Variants in MARCHF1 observed in about 807,000 individuals in gnomAD.
The protein encoded by MARCHF1 is membrane associated ring-CH-type finger 1.
MARCHF1 carries 40 observed loss-of-function variants against 54.2 expected under a neutral mutation model. That is an observed-to-expected ratio of 0.74 (90% confidence interval 0.57 to 0.96). MARCHF1 has a LOEUF of 0.96. Among genes scored for constraint, MARCHF1 ranks in the 40% least tolerant of loss-of-function variants. The pLI is 0.00. For synonymous variants in MARCHF1, 236 were observed against 236.3 expected (o/e 1.00, Z 0.01); for missense variants, 586 against 656.5 (o/e 0.89, Z 1.17).
chr4:164,066,856 T>C (rs1388540977), intron 2 of MARCHF1, among the ~76,000 whole-genome samples: 1 of 152,052 alleles, frequency 6.6e-6, no homozygotes, highest in East Asian at 1.9e-4. Context: ...GAACATACAC[T>C]GGGGGCTTTT....
At chr4:164,128,775 T>G (rs1187255967) in intron 1 of MARCHF1, among the ~76,000 whole-genome samples, 1 of 152,126 alleles carries the variant, frequency 6.6e-6, no homozygotes, top group Non-Finnish European at 1.5e-5. Flanking sequence ...ACATGAACAA[T>G]CTGCTATAAT....
At chr4:164,254,991 C>G (rs1336543789) in intron 1 of MARCHF1, among the ~76,000 whole-genome samples, 3 of 152,166 alleles carry the variant, frequency 2.0e-5, no homozygotes, top group Admixed American at 2.0e-4. Context: ...GTTATCCACT[C>G]ACCTCAGTCT....
chr4:164,086,030 TA>T (rs544633514), intron 2 of MARCHF1, among the ~76,000 whole-genome samples: 10 of 151,846 alleles, frequency 6.6e-5, no homozygotes, highest in Admixed American at 2.0e-4. Flanking sequence ...AAAAGGCTAT[TA>T]AAAAAATGGT....
intron 1 of MARCHF1, among the ~76,000 whole-genome samples, chr4:164,225,627 A>C (rs549639242): frequency 2.9e-4 from 44 of 152,170 alleles, no homozygotes; most frequent in African/African-American, 8.2e-4. Context: ...ACATTCTTGT[A>C]CTTTCCACTA....
chr4:163,760,109 G>A (rs115977344), intron 4 of MARCHF1, among the ~76,000 whole-genome samples: 1,668 of 152,298 alleles, frequency 0.011, 9 homozygotes, highest in Non-Finnish European at 0.018. Context: ...GGGGGAATCA[G>A]TTTCCTTTCC....
At chr4:163,707,218 A>G (rs1318216446) in intron 4 of MARCHF1, among the ~76,000 whole-genome samples, 1 of 152,126 alleles carries the variant, frequency 6.6e-6, no homozygotes, top group Non-Finnish European at 1.5e-5. Flanking sequence ...ACTATATGTC[A>G]TTGGTATATT....
intron 1 of MARCHF1, among the ~76,000 whole-genome samples, chr4:164,354,712 G>T (rs1401147629): frequency 2.2e-4 from 32 of 145,640 alleles, no homozygotes; most frequent in Non-Finnish European, 6.1e-5. Context: ...ACAAGACAGG[G>T]ATGCCCTCTC....
chr4:164,213,165 C>G (rs1248015802), intron 1 of MARCHF1, among the ~76,000 whole-genome samples: 1 of 150,810 alleles, frequency 6.6e-6, no homozygotes, highest in Non-Finnish European at 1.5e-5. Context: ...GATAAATTTT[C>G]AATAATGCCT....
intron 3 of MARCHF1, among the ~76,000 whole-genome samples, chr4:163,972,468 C>T (rs1180774814): frequency 6.6e-6 from 1 of 152,128 alleles, no homozygotes. Flanking sequence ...AGTTCAAGTA[C>T]AATGCACTAT....
At chr4:163,752,332 C>T (rs2110785656) in intron 4 of MARCHF1, among the ~76,000 whole-genome samples, 1 of 152,234 alleles carries the variant, frequency 6.6e-6, no homozygotes, top group East Asian at 1.9e-4. Flanking sequence ...AAGAGTTCAA[C>T]TTGGATGACA....
chr4:163,837,759 A>C (rs1458347505), intron 4 of MARCHF1, among the ~76,000 whole-genome samples: 1 of 152,038 alleles, frequency 6.6e-6, no homozygotes, highest in Admixed American at 6.6e-5. Context: ...TGCAAACAAA[A>C]AAATCAATAA....
chr4:164,061,811 G>A (rs530236033), intron 2 of MARCHF1, among the ~76,000 whole-genome samples: 60 of 152,148 alleles, frequency 3.9e-4, no homozygotes, highest in Non-Finnish European at 8.1e-4. Flanking sequence ...TAAGCCTTCA[G>A]TGAGTTTCAA....
At chr4:163,918,885 A>G (rs1176956745) in intron 3 of MARCHF1, among the ~76,000 whole-genome samples, 1 of 152,110 alleles carries the variant, frequency 6.6e-6, no homozygotes, top group African/African-American at 2.4e-5. Context: ...TGTGGAATTT[A>G]TGTAGGGATT....
At chr4:164,007,640 CTCTCTCTGTGTG>C (rs1239817833) in intron 2 of MARCHF1, among the ~76,000 whole-genome samples, 24 of 96,088 alleles carry the variant, frequency 2.5e-4, no homozygotes, top group African/African-American at 1.0e-3. Flanking sequence ...TTCTCTCTCT[CTCTCTCTGTGTG>C]TGTGTGTGTG....
At chr4:164,212,468 A>T (rs147318169) in intron 1 of MARCHF1, among the ~76,000 whole-genome samples, 2 of 152,318 alleles carry the variant, frequency 1.3e-5, no homozygotes, top group East Asian at 3.9e-4. Flanking sequence ...ATGGATGTTA[A>T]CAGACTTAAA....
intron 1 of MARCHF1, among the ~76,000 whole-genome samples, chr4:164,344,685 T>C (rs1412279260): frequency 5.9e-5 from 9 of 152,286 alleles, no homozygotes; most frequent in African/African-American, 2.2e-4. Flanking sequence ...AGAAATTAAT[T>C]TGGAGTTTGT....
intron 4 of MARCHF1, among the ~76,000 whole-genome samples, chr4:163,777,143 T>C (rs1747330936): frequency 6.6e-6 from 1 of 152,188 alleles, no homozygotes; most frequent in Non-Finnish European, 1.5e-5. Flanking sequence ...CGTTGGTCAA[T>C]GAATCATGTT....
intron 4 of MARCHF1, among the ~76,000 whole-genome samples, chr4:163,780,778 T>A (rs1200002984): frequency 6.6e-6 from 1 of 152,190 alleles, no homozygotes; most frequent in Non-Finnish European, 1.5e-5. Flanking sequence ...ATCTCTTCGG[T>A]GGGAAAATCA....
At chr4:164,242,306 G>A (rs1222267719) in intron 1 of MARCHF1, among the ~76,000 whole-genome samples, 2 of 145,392 alleles carry the variant, frequency 1.4e-5, no homozygotes, top group Admixed American at 6.9e-5. Flanking sequence ...GCCTCCTCAA[G>A]TGGGTCCCTG....
Sources: allele counts gnomAD v4.1 joint callset (sites outside exome capture counted in the v4.1 genomes callset), GRCh38; gene constraint gnomAD v4.1.1; transcripts MANE v1.5; gene names NCBI Gene and HGNC (gene_info 2026-07-23, HGNC 2026-07-21).